Variants in PHF21B observed in about 807,000 individuals in gnomAD.
PHF21B encodes PHD finger protein 4.
PHF21B carries 22 observed loss-of-function variants against 62.2 expected under a neutral mutation model. The observed-to-expected ratio is 0.35, with a 90% CI of 0.25 to 0.51. The LOEUF is 0.51. PHF21B is among the 20% of genes least tolerant of loss of function. PHF21B has a pLI of 0.97. For missense variants in PHF21B, 701 were observed against 707.9 expected (o/e 0.99, Z 0.11); for synonymous variants, 341 against 314.7 (o/e 1.08, Z -0.88).
At chr22:44,972,973 G>C (rs868832002) in intron 2 of PHF21B, among the ~76,000 whole-genome samples, 14 of 152,220 alleles carry the variant, frequency 9.2e-5, no homozygotes, top group African/African-American at 3.4e-4. Flanking sequence ...CGCCATGCAG[G>C]AGGTCCTCAG....
At chr22:45,004,951 C>A (rs1221042737) in intron 2 of PHF21B, among the ~76,000 whole-genome samples, 3 of 152,240 alleles carry the variant, frequency 2.0e-5, no homozygotes, top group African/African-American at 7.2e-5. Context: ...GCAGCATGGA[C>A]TGCGGTTCAA....
At chr22:44,972,212 G>A (rs1374713748) in intron 2 of PHF21B, among the ~76,000 whole-genome samples, 2 of 152,244 alleles carry the variant, frequency 1.3e-5, no homozygotes, top group Non-Finnish European at 2.9e-5. Flanking sequence ...TCTTACCAGA[G>A]ACATGACTCA....
At chr22:44,891,101 C>A (rs754972761) in intron 8 of PHF21B, among the ~76,000 whole-genome samples, 16 of 152,180 alleles carry the variant, frequency 1.1e-4, no homozygotes, top group Non-Finnish European at 1.5e-4. Flanking sequence ...CTCTCCCAGG[C>A]CACAGCTCCA....
At chr22:44,963,773 A>G (rs1005894599) in intron 2 of PHF21B, among the ~76,000 whole-genome samples, 1 of 152,222 alleles carries the variant, frequency 6.6e-6, no homozygotes, top group Non-Finnish European at 1.5e-5. Context: ...AAACACCACC[A>G]AAGTTCGGAG....
At chr22:44,910,914 T>TTA (rs879849349) in intron 5 of PHF21B, among the ~76,000 whole-genome samples, 6 of 152,342 alleles carry the variant, frequency 3.9e-5, no homozygotes, top group Admixed American at 3.9e-4. Flanking sequence ...GTTCAGAACT[T>TTA]ACTAGAGATT....
chr22:44,887,992 C>T lies in PHF21B; in HGVS notation c.1168G>A (p.Val390Met), dbSNP rs562992310. Reference sequence around the variant, plus strand: ...TGCTGGCACCTGGGGCACACCCACACGCCCTTGGGCGCCGTCTTGAGGGGC... The same window carrying T: ...TGCTGGCACCTGGGGCACACCCACATGCCCTTGGGCGCCGTCTTGAGGGGC... ...EPPLKTAPKG[V>M]WVCPRCQQKA... The change falls in exon 10 of 13, where the codon GTG becomes ATG. Residue 390 changes from valine to methionine, a missense_variant. Physicochemically the swap from Val to Met is conservative, Grantham distance 21 (BLOSUM62 1). Transcript: ENST00000313237. The T allele has an allele frequency of 2.8e-5, 43 of 1,562,210 alleles. No homozygotes were observed. Among genetic ancestry groups the T allele is most frequent in the South Asian group, 3.6e-5 (3 of 83,318 alleles).
rs1214755482 is a variant in PHF21B at position 45,008,232 on chromosome 22, G to A, written c.120+313C>T. 2.5e-5 allele frequency: 6 copies of A among 242,448 alleles called. No homozygotes were observed. In the East Asian group the frequency reaches 3.0e-4, roughly 12 times the overall value. The allele number at this position is 242,448 out of a possible 1,614,324, so 15.0% of individuals were successfully genotyped here. ...ATGGCCGCCTCAGCGCAAAGCGGGG[G>A]ACTCCGAGCCGGGAGAAATCGCCAC... On this transcript the variant is annotated intron_variant, in intron 2 of 12. Coordinates refer to ENST00000313237, the MANE Select transcript of PHF21B (RefSeq NM_138415.5).
intron 5 of PHF21B, among the ~76,000 whole-genome samples, chr22:44,898,447 C>T (rs1440537668): frequency 6.6e-6 from 1 of 152,116 alleles, no homozygotes; most frequent in Non-Finnish European, 1.5e-5. Context: ...AGCAAAGCCA[C>T]TCTTTCCGTG....
At chr22:45,005,513 G>A (rs1422441500) in intron 2 of PHF21B, among the ~76,000 whole-genome samples, 1 of 152,224 alleles carries the variant, frequency 6.6e-6, no homozygotes, top group Admixed American at 6.5e-5. Context: ...TGACCAATAA[G>A]CTATCTACCA....
chr22:44,956,645 C>T (rs1391550738), intron 2 of PHF21B, among the ~76,000 whole-genome samples: 1 of 152,108 alleles, frequency 6.6e-6, no homozygotes, highest in Non-Finnish European at 1.5e-5. Flanking sequence ...CTCGAGGGAC[C>T]CTCCACAAGC....
intron 3 of PHF21B, among the ~76,000 whole-genome samples, chr22:44,917,773 G>A (rs548033145): frequency 6.6e-6 from 1 of 152,354 alleles, no homozygotes; most frequent in African/African-American, 2.4e-5. Context: ...GCATGTGGAA[G>A]GAGTGGTCCA....
intron 2 of PHF21B, among the ~76,000 whole-genome samples, chr22:44,978,167 C>A (rs1251734331): frequency 6.6e-6 from 1 of 152,108 alleles, no homozygotes; most frequent in Non-Finnish European, 1.5e-5. Flanking sequence ...CAAGTGGGAT[C>A]TCCGGTTTGC....
intron 2 of PHF21B, among the ~76,000 whole-genome samples, chr22:44,947,544 T>G (rs1569246775): frequency 6.6e-6 from 1 of 152,200 alleles, no homozygotes; most frequent in Non-Finnish European, 1.5e-5. Flanking sequence ...GTGCATCTCC[T>G]GGGACAGGCT....
intron 2 of PHF21B, among the ~76,000 whole-genome samples, chr22:44,999,067 A>G (rs887543101): frequency 2.0e-5 from 3 of 152,218 alleles, no homozygotes; most frequent in African/African-American, 7.2e-5. Context: ...AAAAAACCGT[A>G]TAGTACGGCC....
intron 2 of PHF21B, among the ~76,000 whole-genome samples, chr22:44,923,668 T>C (rs758065682): frequency 1.2e-4 from 19 of 152,004 alleles, no homozygotes; most frequent in Non-Finnish European, 2.5e-4. Flanking sequence ...CTCAATAATC[T>C]GAAAACAAAC....
At chr22:44,947,273 G>T (rs1252040061) in intron 2 of PHF21B, among the ~76,000 whole-genome samples, 1 of 151,492 alleles carries the variant, frequency 6.6e-6, no homozygotes, top group Non-Finnish European at 1.5e-5. Flanking sequence ...GCACCTACTC[G>T]GCACCAAGCA....
chr22:45,006,854 ATT>A (rs5845686), intron 2 of PHF21B, among the ~76,000 whole-genome samples: 44 of 145,894 alleles, frequency 3.0e-4, no homozygotes, highest in South Asian at 4.3e-4. Context: ...CTGGTGGCAG[ATT>A]TTTTTTTTTT....
chr22:44,913,935 T>C lies in PHF21B; in HGVS notation c.718A>G (p.Thr240Ala), dbSNP rs1218989563. The change falls in exon 5 of 13, where the codon ACG (threonine) becomes GCG (alanine). Residue 240 changes from threonine (T) to alanine (A), a missense_variant. Coordinates refer to ENST00000313237, the MANE Select transcript of PHF21B (RefSeq NM_138415.5). ...GACTCTGCCGTGCTCTCGGGCTGCG[T>C]CTGCACTTGAGGCTGAATGATGATG... ...QVIIIQPQVQ[T>A]QPESTAESRP... The C allele has an allele frequency of 6.2e-7, 1 of 1,613,290 alleles. No individual in the cohort carries two copies. Among genetic ancestry groups the C allele is most frequent in the Non-Finnish European group, 8.5e-7 (1 of 1,179,830 alleles).
intron 2 of PHF21B, among the ~76,000 whole-genome samples, chr22:44,995,869 C>T (rs1291693262): frequency 6.7e-6 from 1 of 149,982 alleles, no homozygotes; most frequent in Non-Finnish European, 1.5e-5. Flanking sequence ...GGGTGACTGC[C>T]CATCTCCGCC....
Sources: allele counts gnomAD v4.1 joint callset (sites outside exome capture counted in the v4.1 genomes callset), GRCh38; gene constraint gnomAD v4.1.1; transcripts MANE v1.5; gene names NCBI Gene and HGNC (gene_info 2026-07-23, HGNC 2026-07-21).